Variants in PPP2R2B observed in about 807,000 individuals in gnomAD.
The protein encoded by PPP2R2B is serine/threonine-protein phosphatase 2A 55 kDa regulatory subunit B beta isoform.
In PPP2R2B, 5 loss-of-function variants were observed where a neutral mutation model predicts 46.0. That is an observed-to-expected ratio of 0.11 (90% CI 0.06 to 0.23). PPP2R2B has a LOEUF of 0.23. Among genes scored for constraint, PPP2R2B ranks in the 10% least tolerant of loss-of-function variants. The pLI is 1.00. For synonymous variants in PPP2R2B, 215 were observed against 206.7 expected (o/e 1.04, Z -0.34); for missense variants, 367 against 575.0 (o/e 0.64, Z 3.70).
rs1250253093 is a variant in PPP2R2B at position 146,878,241 on chromosome 5, G to T, written c.-124-46C>A. On this transcript the variant is annotated intron_variant, in intron 1 of 9. Transcript: ENST00000394411. This position sits in a 1 kb window ranked among gnomAD's most constrained non-coding sequence, Gnocchi z 4.5. ...CGGAGAGAAAAAAAATAAAAACCCGGCAATGGAGCTGTCACCTCCTCCACT... is the reference window on the plus strand; with the variant it reads ...CGGAGAGAAAAAAAATAAAAACCCGTCAATGGAGCTGTCACCTCCTCCACT... 19 of 1,519,748 alleles carry T rather than the reference G, an allele frequency of 1.3e-5. No homozygotes were observed. The highest frequency in any genetic ancestry group is 2.1e-5 in the Admixed American group (1 of 47,462). The allele number at this position is 1,519,748 out of a possible 1,614,324, so 94.1% of individuals were successfully genotyped here. A position where few individuals can be genotyped will look rare whatever the true frequency, so the allele number is the denominator to read the frequency against.
chr5:146,587,353 T>C lies in PPP2R2B; in HGVS notation c.*2594A>G, dbSNP rs1393109869. 6.6e-6 allele frequency: 1 copy of C among 152,254 alleles called. No homozygotes were observed. 9.4% of individuals were successfully genotyped at this position (152,254 alleles called of 1,614,324 possible). ...CAGGAGTCTTGGGTGTTTGCTCTAA[T>C]GCATCCTTTGCAGGGGATGGAGGAG... On this transcript the variant is annotated 3_prime_UTR_variant, in exon 10 of 10. Transcript: ENST00000394411.
chr5:146,966,950 A>G (rs1169579781), intron 1 of PPP2R2B, among the ~76,000 whole-genome samples: 2 of 152,180 alleles, frequency 1.3e-5, no homozygotes, highest in African/African-American at 4.8e-5. Context: ...TTCAACAAGC[A>G]TGGTTCCCCT....
intron 2 of PPP2R2B, among the ~76,000 whole-genome samples, chr5:147,080,754 G>A (rs1236793573): frequency 6.6e-6 from 1 of 152,134 alleles, no homozygotes; most frequent in Admixed American, 6.5e-5. Context: ...AAAATGTCTG[G>A]ACTCAGAATT....
At chr5:146,911,391 T>C (rs902618370) in intron 1 of PPP2R2B, among the ~76,000 whole-genome samples, 1 of 152,130 alleles carries the variant, frequency 6.6e-6, no homozygotes, top group African/African-American at 2.4e-5. Context: ...CTCTTGACTT[T>C]TAAAATAAAT....
chr5:146,792,523 A>C (rs1756265021), intron 2 of PPP2R2B, among the ~76,000 whole-genome samples: 1 of 152,192 alleles, frequency 6.6e-6, no homozygotes, highest in South Asian at 2.1e-4. Flanking sequence ...ACAAACAATA[A>C]ATAAGTAAGG....
chr5:147,038,384 G>T (rs1756139168), intron 1 of PPP2R2B, among the ~76,000 whole-genome samples: 1 of 152,058 alleles, frequency 6.6e-6, no homozygotes, highest in South Asian at 2.1e-4. Context: ...ATTCTCCAGG[G>T]CCTAGAATCA....
chr5:146,699,091 A>T (rs891517989), intron 3 of PPP2R2B, among the ~76,000 whole-genome samples: 3 of 152,216 alleles, frequency 2.0e-5, no homozygotes, highest in Non-Finnish European at 4.4e-5. Flanking sequence ...AAAACTCAAA[A>T]ATTCAAATAT....
At chr5:146,723,766 C>G (rs1223567718) in intron 2 of PPP2R2B, among the ~76,000 whole-genome samples, 1 of 152,094 alleles carries the variant, frequency 6.6e-6, no homozygotes, top group African/African-American at 2.4e-5. Context: ...CACTCATTCC[C>G]ATCTCTGTGC....
chr5:146,903,527 C>T (rs1762906549), intron 1 of PPP2R2B, among the ~76,000 whole-genome samples: 2 of 151,664 alleles, frequency 1.3e-5, no homozygotes, highest in African/African-American at 2.4e-5. Flanking sequence ...TCCTGAGTAG[C>T]CGGGACTATA....
intron 2 of PPP2R2B, among the ~76,000 whole-genome samples, chr5:146,856,216 C>T (rs1293520720): frequency 6.6e-6 from 1 of 152,182 alleles, no homozygotes; most frequent in Non-Finnish European, 1.5e-5. Flanking sequence ...ACTCTCTCTC[C>T]TGGTAATTTT....
intron 1 of PPP2R2B, among the ~76,000 whole-genome samples, chr5:146,930,155 GC>G (rs1763920828): frequency 2.0e-5 from 3 of 152,178 alleles, no homozygotes; most frequent in Admixed American, 2.0e-4. Context: ...ATGGAGGGCC[GC>G]TTTAGATTGA....
At chr5:146,639,172 C>A (rs1775031079) in intron 6 of PPP2R2B, among the ~76,000 whole-genome samples, 1 of 152,138 alleles carries the variant, frequency 6.6e-6, no homozygotes, top group African/African-American at 2.4e-5. Flanking sequence ...CATAATTATG[C>A]AAAATTTCTC....
At chr5:146,992,531 G>A (rs1440107730) in intron 1 of PPP2R2B, among the ~76,000 whole-genome samples, 1 of 152,116 alleles carries the variant, frequency 6.6e-6, no homozygotes, top group Non-Finnish European at 1.5e-5. Context: ...TCTGTTGGGT[G>A]GTAGCGACAG....
chr5:146,858,484 T>G (rs1310711681), intron 2 of PPP2R2B, among the ~76,000 whole-genome samples: 1 of 152,164 alleles, frequency 6.6e-6, no homozygotes, highest in Non-Finnish European at 1.5e-5. Flanking sequence ...TAGGGGCAAC[T>G]GCAGTTAGAG....
intron 1 of PPP2R2B, among the ~76,000 whole-genome samples, chr5:146,973,236 T>A (rs1448669687): frequency 1.3e-5 from 2 of 152,220 alleles, no homozygotes; most frequent in African/African-American, 4.8e-5. Context: ...ATTTTATCGA[T>A]GTGCAATAGA....
rs1487903807 is a variant in PPP2R2B at position 146,589,491 on chromosome 5, A to AAAAC, written c.*452_*455dup. 5 of 155,680 alleles carry AAAAC rather than the reference A, an allele frequency of 3.2e-5. No individual in the cohort carries two copies. The highest frequency in any genetic ancestry group is 7.1e-5 in the Non-Finnish European group (5 of 70,040). 9.6% of individuals were successfully genotyped at this position (155,680 alleles called of 1,614,324 possible). On this transcript the variant is annotated 3_prime_UTR_variant, in exon 10 of 10. Coordinates refer to ENST00000394411, the MANE Select transcript of PPP2R2B (RefSeq NM_181675.4). The stretch of plus-strand genomic sequence containing the variant: ...ATACTGACTAGTTCTGGTTTTTCAC[A>AAAAC]AAACAAGAAGAATTTGTCTAAGAGT...
rs564509083 is a variant in PPP2R2B at position 146,908,634 on chromosome 5, G to C, written c.79+147031C>G. ...TGCACCCTGTAAGGCTCACATCATT[G>C]TTTTCAGGTTGTAGTTGAAGAAGGT... On this transcript the variant is annotated intron_variant, in intron 1 of 8. Transcript: ENST00000336640. Among the ~76,000 whole-genome samples, 9 of 151,456 alleles carry C rather than the reference G, an allele frequency of 5.9e-5. No individual in the cohort carries two copies. The East Asian group carries it at 1.6e-3, about 26-fold the overall frequency.
chr5:146,744,271 G>C (rs1189162435), intron 2 of PPP2R2B, among the ~76,000 whole-genome samples: 1 of 152,118 alleles, frequency 6.6e-6, no homozygotes, highest in Non-Finnish European at 1.5e-5. Context: ...GGCTACTTCA[G>C]CCACACCCCA....
At chr5:146,706,552 CG>C (rs1779867302) in intron 2 of PPP2R2B, 2 of 1,016,626 alleles carry the variant, frequency 2.0e-6, no homozygotes, top group Non-Finnish European at 3.0e-6. Flanking sequence ...TGCTGAAGGG[CG>C]GCCTCCAGCT....
Sources: allele counts gnomAD v4.1 joint callset (sites outside exome capture counted in the v4.1 genomes callset), GRCh38; gene constraint gnomAD v4.1.1; non-coding constraint Gnocchi (gnomAD v3.1); transcripts MANE v1.5; gene names NCBI Gene and HGNC (gene_info 2026-07-23, HGNC 2026-07-21).